Variants in PML observed in about 807,000 individuals in gnomAD.
PML encodes the protein protein PML.
In PML, 28 loss-of-function variants were observed where a neutral mutation model predicts 65.2. The observed-to-expected ratio is 0.43, with a 90% CI of 0.32 to 0.59. The LOEUF (loss-of-function observed/expected upper bound fraction) is 0.59, where lower values mean the gene tolerates loss of function less well. Among genes scored for constraint, PML ranks in the 20% least tolerant of loss-of-function variants. PML has a pLI of 0.08. For missense variants in PML, 1,021 were observed against 1,203.4 expected (o/e 0.85, Z 2.24); for synonymous variants, 500 against 508.8 (o/e 0.98, Z 0.23).
At chr15:74,036,147 G>T (rs188723955) in intron 7 of PML, 19 of 1,608,076 alleles carry the variant, frequency 1.2e-5, no homozygotes, top group Admixed American at 3.3e-5. Flanking sequence ...GCTGAGAGGG[G>T]AAGGCTAAGG....
chr15:74,015,188 A>G (rs913071052), intron 2 of PML, among the ~76,000 whole-genome samples: 7 of 152,216 alleles, frequency 4.6e-5, no homozygotes, highest in African/African-American at 1.7e-4. Context: ...GGGGAGGTCC[A>G]TAGGAATAAT....
chr15:74,023,192 C>T lies in PML; in HGVS notation c.967C>T (p.Leu323=), dbSNP rs1488044983. 3 of 1,608,100 alleles carry T rather than the reference C, an allele frequency of 1.9e-6. No individual in the cohort carries two copies. Among genetic ancestry groups the T allele is most frequent in the Non-Finnish European group, 2.5e-6 (3 of 1,178,000 alleles). ...ASRLGRLDAV[L]QRIRTGSALV... The stretch of plus-strand genomic sequence containing the variant: ...TCGGCTGGGCCGCCTGGATGCTGTG[C>T]TGCAGCGCATCCGCACGGGCAGCGC... The change falls in exon 3 of 9, where the codon CTG becomes TTG. Residue 323 remains leucine (L), a synonymous_variant. Transcript: ENST00000268058.
intron 2 of PML, among the ~76,000 whole-genome samples, chr15:73,999,954 C>T (rs574843409): frequency 6.6e-6 from 1 of 151,538 alleles, no homozygotes; most frequent in Admixed American, 6.6e-5. Context: ...CCTGCCTCAG[C>T]CTCCCAAGTA....
In PML at chr15:73,994,774, C is replaced by T. The variant is rs762187130; in HGVS notation, c.-39C>T. 114 of 1,550,558 alleles carry T rather than the reference C, an allele frequency of 7.4e-5. No homozygotes were observed. Among genetic ancestry groups the T allele is most frequent in the Non-Finnish European group, 9.8e-5 (112 of 1,146,774 alleles). ...CCCCTTCAGCTTCTCTTCACGCACT[C>T]CAAGATCTAAACCGAGAATCGAAAC... On this transcript the variant is annotated 5_prime_UTR_variant, in exon 1 of 9. Transcript: ENST00000268058.
chr15:74,011,161 A>G (rs999679890), intron 2 of PML, among the ~76,000 whole-genome samples: 2 of 152,322 alleles, frequency 1.3e-5, no homozygotes, highest in South Asian at 2.1e-4. Flanking sequence ...GATGATTGCA[A>G]CAGCTCCAGA....
chr15:74,017,644 C>G (rs1374370268), intron 2 of PML, among the ~76,000 whole-genome samples: 1 of 151,778 alleles, frequency 6.6e-6, no homozygotes, highest in East Asian at 1.9e-4. Flanking sequence ...GTGAGACTCT[C>G]TCAAAAAGAA....
rs185147087 is a variant in PML, at chr15:73,997,852, G to A, written c.130-152G>A. ...AGGGCCTGAATAAATGGGGGTATTG[G>A]GGTGCTGATAAGCCAGGGTTTTGCA... is the stretch of plus-strand genomic sequence containing the variant. On this transcript the variant is annotated intron_variant, in intron 1 of 8. Coordinates refer to ENST00000268058, the MANE Select transcript of PML (RefSeq NM_033238.3). 62 of 691,926 alleles carry A rather than the reference G, an allele frequency of 9.0e-5. No individual in the cohort carries two copies. In the Admixed American group the frequency reaches 9.4e-4, roughly 11 times the overall value. 42.9% of individuals were successfully genotyped at this position (691,926 alleles called of 1,614,324 possible).
intron 2 of PML, among the ~76,000 whole-genome samples, chr15:74,003,762 A>G (rs1051754746): frequency 2.6e-5 from 4 of 152,186 alleles, no homozygotes; most frequent in African/African-American, 7.2e-5. Context: ...ATTGCTCATG[A>G]TAAGTTTTCC....
intron 5 of PML, 87 bp from the exon 6 acceptor site, chr15:74,033,069 T>C (rs571555195): frequency 7.0e-7 from 1 of 1,435,688 alleles, no homozygotes; most frequent in South Asian, 1.2e-5. Context: ...AGCAAAAGGG[T>C]GGCCACAAGT....
intron 2 of PML, among the ~76,000 whole-genome samples, chr15:74,017,097 G>A (rs1017281456): frequency 5.3e-5 from 8 of 151,038 alleles, no homozygotes; most frequent in Non-Finnish European, 1.0e-4. Context: ...GCGCCCGGCC[G>A]GGCAGTGGCA....
chr15:74,002,225 A>G (rs569346997), intron 2 of PML, among the ~76,000 whole-genome samples: 40 of 152,094 alleles, frequency 2.6e-4, no homozygotes, highest in Admixed American at 2.2e-3. Flanking sequence ...GCGGCCTAGG[A>G]TATTCCTTGG....
Position 74,033,312 on chromosome 15 carries a change from C to T in PML, c.1555C>T (p.Pro519Ser). ...GCCCAGCACCTCCAAGGCAGTCTCACCACCCCACCTGGATGGACCGCCTAG... is the reference window on the plus strand; with the variant it reads ...GCCCAGCACCTCCAAGGCAGTCTCATCACCCCACCTGGATGGACCGCCTAG... ...PRPSTSKAVS[P>S]PHLDGPPSPR... The change falls in exon 6 of 9, where the codon CCA becomes TCA. Residue 519 changes from proline (P) to serine (S), a missense_variant. Pro to Ser is a moderately conservative substitution (Grantham distance 74). Transcript: ENST00000268058. The T allele has an allele frequency of 6.2e-7, 1 of 1,614,222 alleles. No homozygotes were observed.
rs2071781506 is a variant in PML at position 74,047,377 on chromosome 15, C to T, written c.*2369C>T. On this transcript the variant is annotated 3_prime_UTR_variant, in exon 9 of 9. Transcript: ENST00000268058. The stretch of plus-strand genomic sequence containing the variant: ...AATGGGAATTGATCAGTGCCACCAC[C>T]CTTGACCCCAACTACCATCCCAGAT... The T allele has an allele frequency of 4.3e-6, 1 of 231,014 alleles. No homozygotes were observed. Among genetic ancestry groups the T allele is most frequent in the East Asian group, 6.1e-5 (1 of 16,316 alleles). 14.3% of individuals were successfully genotyped at this position (231,014 alleles called of 1,614,324 possible).
intron 2 of PML, among the ~76,000 whole-genome samples, chr15:74,014,409 G>A (rs1049449495): frequency 7.9e-5 from 12 of 151,732 alleles, no homozygotes; most frequent in African/African-American, 2.9e-4. Context: ...TCAGCTCACT[G>A]CAACCTCTGC....
chr15:74,044,793 C>A lies in PML; in HGVS notation c.2434C>A (p.His812Asn), dbSNP rs2071753922. Residue 812 changes from histidine (H) to asparagine (N), a missense_variant, in exon 9 of 9, where the codon CAC (histidine) becomes AAC (asparagine). Transcript: ENST00000268058. Reference sequence around the variant, plus strand: ...GAGCTTCATGGAGCTGCTGAGTGCACACCGCCGTGACCGGCAGGGGGGCCT... The same window carrying A: ...GAGCTTCATGGAGCTGCTGAGTGCAAACCGCCGTGACCGGCAGGGGGGCCT... ...NVSFMELLSA[H>N]RRDRQGGLKK... 3 of 1,613,148 alleles carry A rather than the reference C, an allele frequency of 1.9e-6. No homozygotes were observed. In the South Asian group the frequency reaches 3.3e-5, roughly 18 times the overall value.
At chr15:74,016,845 G>A (rs568579219) in intron 2 of PML, among the ~76,000 whole-genome samples, 1 of 123,068 alleles carries the variant, frequency 8.1e-6, no homozygotes, top group African/African-American at 3.1e-5. Context: ...CGCCCAGGCT[G>A]GAGTGCAGTG....
At chr15:73,999,389 TG>T (rs1401177820) in intron 2 of PML, among the ~76,000 whole-genome samples, 1 of 152,230 alleles carries the variant, frequency 6.6e-6, no homozygotes, top group Non-Finnish European at 1.5e-5. Context: ...GAACTATATA[TG>T]GCTAAACCAC....
chr15:74,019,051 T>C (rs897937330), intron 2 of PML, among the ~76,000 whole-genome samples: 8 of 152,184 alleles, frequency 5.3e-5, no homozygotes, highest in Non-Finnish European at 1.2e-4. Context: ...GATCTGCACC[T>C]CAGTCTTACC....
At chr15:73,996,664 T>C (rs2069528088) in intron 1 of PML, among the ~76,000 whole-genome samples, 1 of 152,248 alleles carries the variant, frequency 6.6e-6, no homozygotes, top group Non-Finnish European at 1.5e-5. Context: ...TTCAGAGCTA[T>C]TCCTGTATCA....
Sources: gnomAD v4.1 joint callset for allele counts (sites outside exome capture counted in the v4.1 genomes callset) on GRCh38, gnomAD v4.1.1 for gene constraint, MANE v1.5 for transcripts, NCBI Gene and HGNC (gene_info 2026-07-23, HGNC 2026-07-21) for gene names.